PPFIBP2: variants seen among roughly 807,000 people sequenced by gnomAD.
PPFIBP2 encodes PPFIB scaffold protein 2, also known as liprin-beta-2.
In PPFIBP2, 118 loss-of-function variants were observed where a neutral mutation model predicts 118.3. The observed-to-expected ratio is 1.00, with a 90% CI of 0.86 to 1.16. The LOEUF (loss-of-function observed/expected upper bound fraction) is 1.16. Ranked by LOEUF, PPFIBP2 falls within the 50% of genes most tolerant of loss-of-function variation. PPFIBP2 has a pLI of 0.00. For missense variants in PPFIBP2, 1,195 were observed against 1,073.1 expected (o/e 1.11, Z -1.59); for synonymous variants, 414 against 397.4 (o/e 1.04, Z -0.50).
At position 7,652,920 on chromosome 11, in the gene PPFIBP2, T is replaced by C. The variant is rs974814373; in HGVS notation, c.2437-104T>C. The C allele has an allele frequency of 6.8e-6, 9 of 1,315,070 alleles. No individual in the cohort carries two copies. The African/African-American group carries it at 1.3e-4, about 19-fold the overall frequency. The allele number at this position is 1,315,070 out of a possible 1,614,324, so 81.5% of individuals were successfully genotyped here. ...GTCTTTCTAGGAGCAGTTTACATTA[T>C]TCCTCTCCTTGAGTGCCTGCTCTTA... is the stretch of plus-strand genomic sequence containing the variant. On this transcript the variant is annotated intron_variant, in intron 23 of 23. Transcript: ENST00000299492.
chr11:7,518,766 T>A (rs1034764314), intron 1 of PPFIBP2, among the ~76,000 whole-genome samples: 13 of 152,162 alleles, frequency 8.5e-5, no homozygotes, highest in Non-Finnish European at 1.6e-4. Context: ...GAAGGGAACA[T>A]GAACTCTTAA....
At chr11:7,644,818 G>C (rs1288084535) in intron 17 of PPFIBP2, among the ~76,000 whole-genome samples, 1 of 151,736 alleles carries the variant, frequency 6.6e-6, no homozygotes, top group African/African-American at 2.4e-5. Context: ...ACGAGGTCAG[G>C]AGATCGAGAC....
chr11:7,635,547 C>A lies in PPFIBP2; in HGVS notation c.1195-5C>A. 2 of 1,607,966 alleles carry A rather than the reference C, an allele frequency of 1.2e-6. No homozygotes were observed. The highest frequency in any genetic ancestry group is 1.7e-6 in the Non-Finnish European group (2 of 1,174,424). On this transcript the variant is annotated splice_polypyrimidine_tract_variant and splice_region_variant and intron_variant, in intron 13 of 23. Coordinates refer to ENST00000299492, the MANE Select transcript of PPFIBP2 (RefSeq NM_003621.5). ...CATAAACGAAATCCTCATGTTACTC[C>A]ATAGTGTATGGATGGGAACCAGCCC...
chr11:7,622,561 A>T (rs1849479518), intron 7 of PPFIBP2, among the ~76,000 whole-genome samples: 1 of 152,252 alleles, frequency 6.6e-6, no homozygotes. Flanking sequence ...ATATTTATGT[A>T]ATCTAGTGTA....
At chr11:7,634,728 T>C (rs1340789225) in intron 13 of PPFIBP2, among the ~76,000 whole-genome samples, 176 bp downstream of exon 13, 2 of 152,156 alleles carry the variant, frequency 1.3e-5, no homozygotes, top group East Asian at 3.9e-4. Context: ...GCCCAAAGCA[T>C]CTTAGAGGAA....
chr11:7,564,249 G>A (rs1486107086), intron 2 of PPFIBP2, among the ~76,000 whole-genome samples: 1 of 152,076 alleles, frequency 6.6e-6, no homozygotes, highest in African/African-American at 2.4e-5. Flanking sequence ...AGATCTCTGA[G>A]GACATTGAAG....
intron 5 of PPFIBP2, among the ~76,000 whole-genome samples, chr11:7,608,815 G>A (rs1282821597): frequency 6.6e-6 from 1 of 152,222 alleles, no homozygotes; most frequent in Non-Finnish European, 1.5e-5. Flanking sequence ...AAAAGCACCA[G>A]CAGTCTCTGG....
At position 7,641,601 on chromosome 11, in the gene PPFIBP2, A is replaced by C. The variant is rs1565110387; in HGVS notation, c.1498A>C (p.Ile500Leu). Residue 500 changes from isoleucine to leucine, a missense_variant, in exon 16 of 24, where the codon ATT becomes CTT. Coordinates refer to ENST00000299492, the MANE Select transcript of PPFIBP2 (RefSeq NM_003621.5). ...AGATGGTAAACGGAATCCCAAAGGC[A>C]TTAAGAAGTTCTGGGGAAAGTAAGT... ...TPDGKRNPKG[I>L]KKFWGKIRRT... 2 of 1,614,064 alleles carry C rather than the reference A, an allele frequency of 1.2e-6. No individual in the cohort carries two copies. Among genetic ancestry groups the C allele is most frequent in the Non-Finnish European group, 8.5e-7 (1 of 1,179,936 alleles).
intron 1 of PPFIBP2, among the ~76,000 whole-genome samples, chr11:7,520,463 G>A (rs1849655152): frequency 5.9e-5 from 9 of 152,044 alleles, no homozygotes; most frequent in Admixed American, 5.9e-4. Flanking sequence ...AGACCCCAGG[G>A]AGAATTTTTC....
intron 2 of PPFIBP2, among the ~76,000 whole-genome samples, chr11:7,550,778 A>G (rs191844991): frequency 6.6e-6 from 1 of 152,298 alleles, no homozygotes; most frequent in African/African-American, 2.4e-5. Context: ...CTCACCCTTA[A>G]TCTGGGTAGG....
chr11:7,559,143 G>T (rs1211788974), intron 2 of PPFIBP2, among the ~76,000 whole-genome samples: 2 of 152,274 alleles, frequency 1.3e-5, no homozygotes, highest in Non-Finnish European at 2.9e-5. Context: ...TGCTCAAAAT[G>T]AAATAAATAG....
chr11:7,641,807 A>G (rs1421171670), intron 16 of PPFIBP2, 187 bp downstream of exon 16: 26 of 643,192 alleles, frequency 4.0e-5, no homozygotes, highest in Non-Finnish European at 6.1e-5. Flanking sequence ...AAAGACACCC[A>G]TTGAATATAT....
At chr11:7,567,147 C>A (rs1855087570) in intron 3 of PPFIBP2, among the ~76,000 whole-genome samples, 1 of 152,088 alleles carries the variant, frequency 6.6e-6, no homozygotes, top group Admixed American at 6.6e-5. Flanking sequence ...TCCTTTTGGC[C>A]CTAGCAACGC....
At chr11:7,631,492 C>A (rs1027273510) in intron 11 of PPFIBP2, among the ~76,000 whole-genome samples, 2 of 152,014 alleles carry the variant, frequency 1.3e-5, no homozygotes, top group Non-Finnish European at 2.9e-5. Context: ...TTGACAGATA[C>A]GCCCTTCAGC....
chr11:7,602,018 G>A (rs1305737682), intron 5 of PPFIBP2, among the ~76,000 whole-genome samples: 3 of 147,178 alleles, frequency 2.0e-5, no homozygotes, highest in South Asian at 2.1e-4. Flanking sequence ...GCTGGAACCC[G>A]AGAGACGGAG....
chr11:7,598,852 T>A (rs543079523), intron 5 of PPFIBP2, among the ~76,000 whole-genome samples: 1 of 152,324 alleles, frequency 6.6e-6, no homozygotes, highest in East Asian at 1.9e-4. Flanking sequence ...TCATGAGAAT[T>A]AATCTGGTGT....
chr11:7,666,180 T>C, the PPFIBP2 span: 345 of 598,098 alleles, frequency 5.8e-4, 6 homozygotes, highest in South Asian at 6.6e-3. Flanking sequence ...GTGTTCACAG[T>C]GGACAGGGGC....
chr11:7,551,664 A>G (rs1853013238), intron 2 of PPFIBP2, among the ~76,000 whole-genome samples: 1 of 152,334 alleles, frequency 6.6e-6, no homozygotes, highest in Admixed American at 6.5e-5. Context: ...ATTGCATTTA[A>G]CTTAGATCAT....
intron 14 of PPFIBP2, among the ~76,000 whole-genome samples, chr11:7,636,288 C>CATCCGTAT (rs5742006): frequency 7.3e-5 from 11 of 151,572 alleles, no homozygotes; most frequent in African/African-American, 2.7e-4. Flanking sequence ...TATATTTTCA[C>CATCCGTAT]GGTAAAATGG....
Sources: gnomAD v4.1 joint callset for allele counts (sites outside exome capture counted in the v4.1 genomes callset) on GRCh38, gnomAD v4.1.1 for gene constraint, MANE v1.5 for transcripts, NCBI Gene and HGNC (gene_info 2026-07-23, HGNC 2026-07-21) for gene names.